Variants in RBFOX1 observed in about 807,000 individuals in gnomAD.
The protein encoded by RBFOX1 is RNA binding protein fox-1 homolog 1.
Under a neutral mutation model 57.7 loss-of-function variants are expected in RBFOX1, and 8 were observed. The ratio of observed to expected loss-of-function variants is 0.14; its 90% CI spans 0.08 to 0.25. The LOEUF is 0.25. Among genes scored for constraint, RBFOX1 ranks in the 10% least tolerant of loss-of-function variants. The probability of loss-of-function intolerance (pLI) is 1.00; values close to 1 mark genes in which losing one functional copy is unlikely to be tolerated. For synonymous variants in RBFOX1, 326 were observed against 222.4 expected, an observed-to-expected ratio of 1.47 and a Z score of -4.15; for missense variants, 611 against 548.5, an observed-to-expected ratio of 1.11 and a Z score of -1.14.
intron 2 of RBFOX1, among the ~76,000 whole-genome samples, chr16:6,422,863 C>G (rs148799679): frequency 6.6e-6 from 1 of 152,116 alleles, no homozygotes; most frequent in Non-Finnish European, 1.5e-5. Context: ...GACAGAGATC[C>G]AAACCATGTC....
intron 4 of RBFOX1, among the ~76,000 whole-genome samples, chr16:7,063,477 C>T (rs1319293192): frequency 6.6e-6 from 1 of 152,148 alleles, no homozygotes; most frequent in Non-Finnish European, 1.5e-5. Flanking sequence ...AGTGCCATTT[C>T]CTCAGCTCTA....
At chr16:7,506,294 C>T (rs115332578) in intron 4 of RBFOX1, among the ~76,000 whole-genome samples, 1 of 150,068 alleles carries the variant, frequency 6.7e-6, no homozygotes, top group Non-Finnish European at 1.5e-5. Flanking sequence ...AATTCATCTC[C>T]AAGTATTTAA....
chr16:6,610,662 A>C (rs965926050), intron 2 of RBFOX1, among the ~76,000 whole-genome samples: 6 of 152,200 alleles, frequency 3.9e-5, no homozygotes, highest in African/African-American at 1.4e-4. Context: ...ACATTAACTC[A>C]GGTGAGCTTC....
chr16:6,501,667 C>T (rs12926015), intron 2 of RBFOX1, among the ~76,000 whole-genome samples: 37,822 of 152,002 alleles, frequency 0.25, 5,163 homozygotes, highest in Non-Finnish European at 0.3. Flanking sequence ...GACAAGGGCT[C>T]CTTCTCCTGA....
intron 3 of RBFOX1, among the ~76,000 whole-genome samples, chr16:6,715,614 T>C (rs2064645749): frequency 6.6e-6 from 1 of 152,178 alleles, no homozygotes; most frequent in Non-Finnish European, 1.5e-5. Flanking sequence ...TTTTCTCTTG[T>C]GGTCTCCTTT....
chr16:7,404,521 A>G (rs1331777253), intron 4 of RBFOX1, among the ~76,000 whole-genome samples: 1 of 152,168 alleles, frequency 6.6e-6, no homozygotes. Flanking sequence ...ACCTCCATAG[A>G]TAGGTGCTAT....
At chr16:6,229,514 A>G (rs560906694) in intron 1 of RBFOX1, among the ~76,000 whole-genome samples, 2 of 152,326 alleles carry the variant, frequency 1.3e-5, no homozygotes, top group African/African-American at 4.8e-5. Context: ...AAACACAATA[A>G]AGGATTTTGC....
chr16:7,342,560 G>A (rs142606678), intron 4 of RBFOX1, among the ~76,000 whole-genome samples: 61 of 152,228 alleles, frequency 4.0e-4, no homozygotes, highest in African/African-American at 1.3e-3. Flanking sequence ...TTGATAAATC[G>A]AGATGCTCTA....
rs559955958 is a variant in RBFOX1, at chr16:6,590,745, A to C, written c.-63-63858A>C. 3.9e-5 allele frequency among the ~76,000 whole-genome samples: 6 copies of C among 152,288 alleles called. No individual in the cohort carries two copies. In the East Asian group the frequency reaches 1.2e-3, roughly 29 times the overall value. On this transcript the variant is annotated intron_variant, in intron 2 of 15. Transcript: ENST00000550418. ...TGACGGTCGTACATTTCCTCAACTT[A>C]GCTGTCCGTGAAGGGTGTTGGGATG...
intron 1 of RBFOX1, among the ~76,000 whole-genome samples, chr16:5,439,324 T>TG (rs1455968480): frequency 6.6e-6 from 1 of 152,040 alleles, no homozygotes; most frequent in Non-Finnish European, 1.5e-5. Context: ...TTACATGTAA[T>TG]GGGGGAATGG....
At chr16:5,374,967 C>A (rs1353075909) in intron 1 of RBFOX1, among the ~76,000 whole-genome samples, 1 of 150,850 alleles carries the variant, frequency 6.6e-6, no homozygotes, top group African/African-American at 2.4e-5. Flanking sequence ...TTATAAATTC[C>A]TGGGATAGGT....
intron 4 of RBFOX1, among the ~76,000 whole-genome samples, chr16:7,419,371 C>G (rs150044790): frequency 4.6e-5 from 7 of 152,326 alleles, no homozygotes; most frequent in Non-Finnish European, 8.8e-5. Flanking sequence ...TCTCCACTGT[C>G]TCTCATCTGA....
At chr16:6,369,177 G>A (rs551166417) in intron 2 of RBFOX1, among the ~76,000 whole-genome samples, 69 of 152,232 alleles carry the variant, frequency 4.5e-4, no homozygotes, top group African/African-American at 1.6e-3. Context: ...CTTGGGCATA[G>A]GAAGCAGATA....
intron 2 of RBFOX1, among the ~76,000 whole-genome samples, chr16:6,529,290 C>G (rs772079037): frequency 2.6e-5 from 4 of 152,226 alleles, no homozygotes; most frequent in Admixed American, 6.5e-5. Context: ...TGTCCAGGCA[C>G]GGTGGCTCAT....
At chr16:6,334,006 C>T (rs2083343988) in intron 2 of RBFOX1, among the ~76,000 whole-genome samples, 1 of 151,934 alleles carries the variant, frequency 6.6e-6, no homozygotes, top group East Asian at 1.9e-4. Context: ...TAGGGGGGAG[C>T]AGGAAACAGA....
intron 1 of RBFOX1, among the ~76,000 whole-genome samples, chr16:6,086,797 T>C (rs912685029): frequency 6.6e-6 from 1 of 152,246 alleles, no homozygotes; most frequent in Non-Finnish European, 1.5e-5. Context: ...AACTGAATCA[T>C]GCTCAAAGAC....
At chr16:5,649,972 C>G (rs1331910901) in intron 3 of RBFOX1, among the ~76,000 whole-genome samples, 1 of 152,138 alleles carries the variant, frequency 6.6e-6, no homozygotes, top group African/African-American at 2.4e-5. Context: ...GCGGGGAGGT[C>G]GGCCCACAGG....
intron 2 of RBFOX1, among the ~76,000 whole-genome samples, chr16:6,475,591 A>T (rs1597782801): frequency 6.6e-6 from 1 of 152,346 alleles, no homozygotes; most frequent in East Asian, 1.9e-4. Flanking sequence ...AGTCCACTAT[A>T]AATCGTATGT....
chr16:5,720,213 G>T (rs1567445376), intron 3 of RBFOX1, among the ~76,000 whole-genome samples: 1 of 152,104 alleles, frequency 6.6e-6, no homozygotes, highest in African/African-American at 2.4e-5. Context: ...GTCATTTGTA[G>T]TAGGTCTTTT....
Sources: gnomAD v4.1 joint callset for allele counts (sites outside exome capture counted in the v4.1 genomes callset) on GRCh38, gnomAD v4.1.1 for gene constraint, MANE v1.5 for transcripts, NCBI Gene and HGNC (gene_info 2026-07-23, HGNC 2026-07-21) for gene names.